The following ZMIZ1 variants were observed in gnomAD, a reference collection of about 807,000 sequenced individuals.
The protein encoded by ZMIZ1 is zinc finger MIZ-type containing 1.
A neutral mutation model predicts 113.9 loss-of-function variants in ZMIZ1; 17 were observed. The ratio of observed to expected loss-of-function variants is 0.15; its 90% confidence interval spans 0.10 to 0.22. The LOEUF (loss-of-function observed/expected upper bound fraction) is 0.22. Ranked by LOEUF, ZMIZ1 falls within the 10% of genes least tolerant of loss-of-function variation. The pLI, the probability that ZMIZ1 is intolerant of heterozygous loss-of-function variation, is 1.00. For missense variants in ZMIZ1, 1,059 were observed against 1,477.8 expected (o/e 0.72, Z 4.65); for synonymous variants, 607 against 603.1 (o/e 1.01, Z -0.09).
At position 79,311,088 on chromosome 10, in the gene ZMIZ1, C is replaced by T. The variant is rs1855123561; in HGVS notation, c.3000C>T (p.Ser1000=). The T allele has an allele frequency of 1.9e-6, 3 of 1,613,710 alleles. No individual in the cohort carries two copies. Among genetic ancestry groups the T allele is most frequent in the East Asian group, 4.5e-5 (2 of 44,880 alleles). ...PRQPPQAAPS[S]HPHSDLTFNP... is the part of the protein sequence containing the mutation. ...AGCCGCCACAGGCCGCTCCCAGCAG[C>T]CATCCACACAGCGACCTGACCTTTA... The change falls in exon 24 of 25, where the codon AGC becomes AGT. Residue 1000 remains serine (S), a synonymous_variant. Coordinates refer to ENST00000334512, the MANE Select transcript of ZMIZ1 (RefSeq NM_020338.4).
At position 79,208,348 on chromosome 10, in the gene ZMIZ1, C is replaced by G; in HGVS notation, c.73C>G (p.Pro25Ala). Residue 25 changes from proline to alanine, a missense_variant, in exon 6 of 25, where the codon CCT becomes GCT. Physicochemically the swap from Pro to Ala is conservative, Grantham distance 27 (BLOSUM62 -1). Coordinates refer to ENST00000334512, the MANE Select transcript of ZMIZ1 (RefSeq NM_020338.4). ...LQCIKQHLQN[P>A]ANFHNAATEL... ...TCCTTTCCCACAGCACTTACAGAATCCTGCCAACTTCCACAATGCCGCCAC... is the reference window on the plus strand; with the variant it reads ...TCCTTTCCCACAGCACTTACAGAATGCTGCCAACTTCCACAATGCCGCCAC... The G allele has an allele frequency of 6.2e-7, 1 of 1,614,172 alleles. No homozygotes were observed. Among genetic ancestry groups the G allele is most frequent in the Admixed American group, 1.7e-5 (1 of 60,026 alleles).
chr10:79,122,472 G>A (rs893938732), intron 2 of ZMIZ1, among the ~76,000 whole-genome samples: 1 of 152,130 alleles, frequency 6.6e-6, no homozygotes, highest in African/African-American at 2.4e-5. Flanking sequence ...GGTATGGGGA[G>A]TCTACTCTGT....
At chr10:79,284,864 G>T (rs1201127014) in intron 8 of ZMIZ1, among the ~76,000 whole-genome samples, 3 of 152,200 alleles carry the variant, frequency 2.0e-5, no homozygotes, top group African/African-American at 7.2e-5. Context: ...AACACGGCCA[G>T]TACAAGCTAA....
Position 79,293,484 on chromosome 10 carries a change from G to T in ZMIZ1, c.1061G>T (p.Gly354Val), listed in dbSNP as rs1389164229. 1 of 1,578,726 alleles carries T rather than the reference G, an allele frequency of 6.3e-7. No homozygotes were observed. Among genetic ancestry groups the T allele is most frequent in the Admixed American group, 1.8e-5 (1 of 56,816 alleles). Residue 354 changes from glycine (G) to valine (V), a missense_variant, in exon 12 of 25, where the codon GGC (glycine) becomes GTC (valine). Around this residue, in one of 6 missense-constraint regions of ZMIZ1, gnomAD observed 83 missense variants for 103.7 expected, o/e 0.80. Transcript: ENST00000334512. ...GSMNPASMAA[G>V]MTPSGMSGPP... is the part of the protein sequence containing the mutation. Reference sequence around the variant, plus strand: ...ATGAACCCCGCGAGCATGGCGGCTGGCATGACGCCCTCGGGGATGAGCGGC... The same window carrying T: ...ATGAACCCCGCGAGCATGGCGGCTGTCATGACGCCCTCGGGGATGAGCGGC...
intron 2 of ZMIZ1, among the ~76,000 whole-genome samples, chr10:79,126,899 C>T (rs1589304090): frequency 2.6e-5 from 4 of 152,154 alleles, no homozygotes; most frequent in African/African-American, 9.7e-5. Flanking sequence ...TGCTGCTGGA[C>T]CCAAGGCTTC....
chr10:79,121,751 A>G (rs1308859668), intron 2 of ZMIZ1, among the ~76,000 whole-genome samples: 1 of 152,144 alleles, frequency 6.6e-6, no homozygotes, highest in Non-Finnish European at 1.5e-5. Flanking sequence ...TATGGAAGGA[A>G]ATTGGGAAGG....
chr10:79,290,474 G>T (rs1419520853), intron 9 of ZMIZ1, among the ~76,000 whole-genome samples: 2 of 152,214 alleles, frequency 1.3e-5, no homozygotes, highest in Non-Finnish European at 2.9e-5. Flanking sequence ...CTGACCGGTT[G>T]TCGCCTGCTC....
At position 79,272,263 on chromosome 10, in the gene ZMIZ1, G is replaced by A. The variant is rs148079461; in HGVS notation, c.281-4918G>A. ...ATCGCACCACTGCACTCCAGCCTGGGTGACAGAACAAGACTGTCTCAAAAA... is the reference window on the plus strand; with the variant it reads ...ATCGCACCACTGCACTCCAGCCTGGATGACAGAACAAGACTGTCTCAAAAA... On this transcript the variant is annotated intron_variant, in intron 7 of 24. Coordinates refer to ENST00000334512, the MANE Select transcript of ZMIZ1 (RefSeq NM_020338.4). Among the ~76,000 whole-genome samples the A allele has an allele frequency of 4.1e-3, 620 of 152,094 alleles. 19 individuals are homozygous for A. The highest frequency in any genetic ancestry group is 0.039 in the Admixed American group (591 of 15,276).
intron 1 of ZMIZ1, among the ~76,000 whole-genome samples, chr10:79,108,905 G>A (rs1429076414): frequency 6.6e-6 from 1 of 152,000 alleles, no homozygotes; most frequent in East Asian, 1.9e-4. Context: ...GCATGCATGT[G>A]CACATGCATG....
At chr10:79,154,202 C>A (rs534044615) in intron 3 of ZMIZ1, among the ~76,000 whole-genome samples, 53 of 152,264 alleles carry the variant, frequency 3.5e-4, no homozygotes, top group African/African-American at 1.2e-3. Flanking sequence ...CCAGAATGGA[C>A]CTGGGTTCCA....
intron 1 of ZMIZ1, among the ~76,000 whole-genome samples, chr10:79,070,713 C>A (rs1042845307): frequency 6.6e-6 from 1 of 152,054 alleles, no homozygotes; most frequent in East Asian, 1.9e-4. Context: ...CTTGCCTGAC[C>A]GGGGAGGCCT....
intron 7 of ZMIZ1, among the ~76,000 whole-genome samples, chr10:79,254,389 G>T (rs1156260067): frequency 6.6e-6 from 1 of 152,228 alleles, no homozygotes; most frequent in Non-Finnish European, 1.5e-5. Context: ...ATCAGTGCAG[G>T]GCACAGAAGC....
chr10:79,223,332 T>G (rs1167495411), intron 7 of ZMIZ1, among the ~76,000 whole-genome samples: 1 of 152,230 alleles, frequency 6.6e-6, no homozygotes, highest in Non-Finnish European at 1.5e-5. Context: ...GCCCTTGCCC[T>G]TGAAATGCCA....
At chr10:79,203,416 C>T (rs11002865) in intron 5 of ZMIZ1, among the ~76,000 whole-genome samples, 18,391 of 152,140 alleles carry the variant, frequency 0.12, 1,396 homozygotes, top group East Asian at 0.32. Flanking sequence ...AGAAACCAGA[C>T]GCCAAGACTC....
rs988135364 is a variant in ZMIZ1, at chr10:79,261,204, G to A, written c.281-15977G>A. ...GGGTGGTCGGGTTTTTGACCCGGCC[G>A]GCCCCTCAGAGGCCCATCCAGTTCG... On this transcript the variant is annotated intron_variant, in intron 7 of 24. Transcript: ENST00000334512. Among the ~76,000 whole-genome samples, 204 of 152,282 alleles carry A rather than the reference G, an allele frequency of 1.3e-3. 1 individual carries two copies. Among genetic ancestry groups the A allele is most frequent in the Non-Finnish European group, 1.2e-3 (82 of 68,020 alleles).
At chr10:79,147,421 C>T (rs1845535863) in intron 3 of ZMIZ1, among the ~76,000 whole-genome samples, 1 of 152,152 alleles carries the variant, frequency 6.6e-6, no homozygotes. Context: ...ATGTGTATGG[C>T]CCCTGGAGTG....
chr10:79,160,344 G>C (rs990967706), intron 3 of ZMIZ1, among the ~76,000 whole-genome samples: 2 of 152,230 alleles, frequency 1.3e-5, no homozygotes, highest in African/African-American at 4.8e-5. Flanking sequence ...CACTGGGCCT[G>C]GTCCCAGGAT....
At chr10:79,201,419 G>A (rs1281912837) in intron 4 of ZMIZ1, among the ~76,000 whole-genome samples, 165 bp from the exon 5 acceptor site, 3 of 152,246 alleles carry the variant, frequency 2.0e-5, no homozygotes, top group African/African-American at 7.2e-5. Context: ...GCACCCAGAA[G>A]CATTTCCTGC....
intron 1 of ZMIZ1, among the ~76,000 whole-genome samples, chr10:79,094,485 CCTTGGCCATGAAATGGGTACTGCTTA>C (rs1843105117): frequency 6.6e-6 from 1 of 152,244 alleles, no homozygotes; most frequent in Non-Finnish European, 1.5e-5. Flanking sequence ...GAGCCAGATT[CCTTGGCCATGAAATGGGTACTGCTTA>C]CTTCCCAGGT....
Sources: allele counts gnomAD v4.1 joint callset (sites outside exome capture counted in the v4.1 genomes callset), GRCh38; gene constraint gnomAD v4.1.1; regional missense constraint gnomAD v4.1.1; transcripts MANE v1.5; gene names NCBI Gene and HGNC (gene_info 2026-07-23, HGNC 2026-07-21).